The following JAKMIP3 variants were observed in gnomAD, a reference collection of about 807,000 sequenced individuals.
The protein encoded by JAKMIP3 is janus kinase and microtubule-interacting protein 3.
JAKMIP3 carries 58 observed loss-of-function variants against 118.5 expected under a neutral mutation model. That is an observed-to-expected ratio of 0.49 (90% confidence interval 0.40 to 0.61). The LOEUF is 0.61. Among genes scored for constraint, JAKMIP3 ranks in the 20% least tolerant of loss-of-function variants. The probability of loss-of-function intolerance (pLI) is 0.00; values close to 1 mark genes in which losing one functional copy is unlikely to be tolerated. For synonymous variants in JAKMIP3, 486 were observed against 451.2 expected (o/e 1.08, Z -0.98); for missense variants, 950 against 1,109.0 (o/e 0.86, Z 2.04).
In JAKMIP3 at chr10:132,139,107, T is replaced by TGTAA. The variant is rs143455718; in HGVS notation, c.1344+931_1344+932insAAGT. On this transcript the variant is annotated intron_variant, in intron 9 of 23. Transcript: ENST00000684848. Reference sequence around the variant, plus strand: ...GTGTGAGTGCGTGTATGTGTGTACATGTGTGTGTATGCATCTGTGTGTGTG... The same window carrying TGTAA: ...GTGTGAGTGCGTGTATGTGTGTACATGTAAGTGTGTGTATGCATCTGTGTGTGTG... Among the ~76,000 whole-genome samples the TGTAA allele has an allele frequency of 2.0e-5, 3 of 150,318 alleles. No homozygotes were observed. In the East Asian group the frequency reaches 5.9e-4, roughly 29 times the overall value.
chr10:132,123,001 G>C (rs1387562842), intron 3 of JAKMIP3, among the ~76,000 whole-genome samples: 1 of 152,198 alleles, frequency 6.6e-6, no homozygotes, highest in Non-Finnish European at 1.5e-5. Context: ...TACAGCAGAG[G>C]AACCTGGAGC....
At chr10:132,055,306 C>T (rs2038208948) in intron 1 of JAKMIP3, among the ~76,000 whole-genome samples, 1 of 152,066 alleles carries the variant, frequency 6.6e-6, no homozygotes, top group South Asian at 2.1e-4. Flanking sequence ...ATAAATTGTC[C>T]AAGTATCAAT....
intron 3 of JAKMIP3, among the ~76,000 whole-genome samples, chr10:132,131,468 C>T (rs1027975065): frequency 2.7e-5 from 4 of 147,250 alleles, no homozygotes; most frequent in African/African-American, 1.0e-4. Flanking sequence ...GTGAGGGTGT[C>T]GGGCCCGGGG....
Position 132,180,536 on chromosome 10 carries a change from T to TGC in JAKMIP3, c.*1104-1820_*1104-1819insCG, listed in dbSNP as rs1554962705. ...CTGGAAGCAGAACTGTGTGTGTGTG[T>TGC]GTGTGTGTGCGTGCGTGCATGCGTG... On this transcript the variant is annotated intron_variant, in intron 23 of 23. Transcript: ENST00000684848. Among the ~76,000 whole-genome samples, 339 of 34,536 alleles carry TGC rather than the reference T, an allele frequency of 9.8e-3. 66 individuals carry two copies. The highest frequency in any genetic ancestry group is 0.012 in the Non-Finnish European group (232 of 19,478). The allele number at this position is 34,536 out of a possible 152,430, so 22.7% of individuals were successfully genotyped here.
At chr10:132,046,258 T>G (rs1214917616) in intron 1 of JAKMIP3, among the ~76,000 whole-genome samples, 1 of 152,050 alleles carries the variant, frequency 6.6e-6, no homozygotes, top group African/African-American at 2.4e-5. Flanking sequence ...ATCAAGACCA[T>G]CCTGGCTAAC....
chr10:132,058,953 G>A (rs778324270), intron 1 of JAKMIP3, among the ~76,000 whole-genome samples: 1 of 152,218 alleles, frequency 6.6e-6, no homozygotes, highest in Non-Finnish European at 1.5e-5. Context: ...TCGCGCCCAC[G>A]TGAGCCTGGC....
At chr10:132,058,165 C>A (rs544110417) in intron 1 of JAKMIP3, among the ~76,000 whole-genome samples, 1 of 152,212 alleles carries the variant, frequency 6.6e-6, no homozygotes, top group Non-Finnish European at 1.5e-5. Context: ...GAGGTCAACA[C>A]CTTGGGGCCC....
intron 5 of JAKMIP3, 123 bp downstream of exon 5, chr10:132,135,283 G>A (rs1422097783): frequency 2.9e-5 from 28 of 973,958 alleles, no homozygotes; most frequent in South Asian, 6.8e-5. Flanking sequence ...CCGGCCTTGC[G>A]TCGAAGTCTC....
At chr10:132,079,858 G>A (rs760012483) in intron 1 of JAKMIP3, among the ~76,000 whole-genome samples, 1 of 152,214 alleles carries the variant, frequency 6.6e-6, no homozygotes, top group Non-Finnish European at 1.5e-5. Flanking sequence ...TCCTTCTTAA[G>A]GCTGAATCGT....
chr10:132,119,773 G>A (rs2048251754), intron 3 of JAKMIP3, among the ~76,000 whole-genome samples: 2 of 152,136 alleles, frequency 1.3e-5, no homozygotes, highest in Non-Finnish European at 2.9e-5. Context: ...AACTGTTCAA[G>A]GGTAAATTTT....
Position 132,139,300 on chromosome 10 carries a change from GTGTGTGAGTGTGTA to G in JAKMIP3, c.1344+1128_1345-1132del, listed in dbSNP as rs1450503044. Among the ~76,000 whole-genome samples, 3 of 113,486 alleles carry G rather than the reference GTGTGTGAGTGTGTA, an allele frequency of 2.6e-5. 1 individual carries two copies. The highest frequency in any genetic ancestry group is 1.4e-4 in the African/African-American group (3 of 20,894). 74.5% of individuals were successfully genotyped at this position (113,486 alleles called of 152,430 possible). A position where few individuals can be genotyped will look rare whatever the true frequency, so the allele number is the denominator to read the frequency against. ...TGTGAGTGTATATGCATCTGTGTAT[GTGTGTGAGTGTGTA>G]TGTGTATGTGTGTGTGTTTGTATGT... is the stretch of plus-strand genomic sequence containing the variant. On this transcript the variant is annotated intron_variant, in intron 9 of 23. Transcript: ENST00000684848.
At chr10:132,105,306 C>T (rs2045732239) in intron 2 of JAKMIP3, among the ~76,000 whole-genome samples, 1 of 152,194 alleles carries the variant, frequency 6.6e-6, no homozygotes, top group East Asian at 1.9e-4. Flanking sequence ...GTGGAACTGA[C>T]CTGAAACAGA....
intron 1 of JAKMIP3, among the ~76,000 whole-genome samples, chr10:132,072,599 A>G (rs937682551): frequency 3.3e-5 from 5 of 152,120 alleles, no homozygotes; most frequent in Non-Finnish European, 7.4e-5. Flanking sequence ...TGTTTAGCCC[A>G]TTTACATTTA....
intron 23 of JAKMIP3, among the ~76,000 whole-genome samples, chr10:132,180,712 TGTGTGTGC>T (rs2061128041): frequency 1.1e-4 from 3 of 26,556 alleles, no homozygotes; most frequent in African/African-American, 7.9e-4. Context: ...TGTGTGCGCG[TGTGTGTGC>T]GTGTGTGTGC....
chr10:132,158,980 TC>T, intron 19 of JAKMIP3, among the ~76,000 whole-genome samples: 3 of 56,408 alleles, frequency 5.3e-5, no homozygotes, highest in Admixed American at 2.2e-4. Context: ...GGGGGGGATC[TC>T]TCGCTGTGTG....
intron 17 of JAKMIP3, 120 bp from the exon 18 acceptor site, chr10:132,153,639 C>T (rs2056621236): frequency 2.1e-6 from 2 of 952,644 alleles, no homozygotes; most frequent in African/African-American, 1.6e-5. Flanking sequence ...TGTGCTCTCC[C>T]CTCCCTAAGG....
chr10:132,181,729 C>T (rs192674155), intron 23 of JAKMIP3, among the ~76,000 whole-genome samples: 137 of 152,244 alleles, frequency 9.0e-4, no homozygotes, highest in African/African-American at 3.0e-3. Flanking sequence ...AATCAAAAAC[C>T]AAAAAGCTCT....
chr10:132,136,942 A>AC lies in JAKMIP3; in HGVS notation c.1117-70dup, dbSNP rs889400388. ...GTGGCAGCCCGGGTTGAGGGAGAAG[A>AC]CCCCCCCGCCGACCCACTGTGTTCA... On this transcript the variant is annotated intron_variant, in intron 6 of 23. Coordinates refer to ENST00000684848, the MANE Select transcript of JAKMIP3 (RefSeq NM_001323087.2). 3.3e-3 allele frequency: 4,871 copies of AC among 1,497,824 alleles called. 8 individuals carry two copies. The highest frequency in any genetic ancestry group is 3.2e-3 in the Non-Finnish European group (3,601 of 1,111,924). 92.8% of individuals were successfully genotyped at this position (1,497,824 alleles called of 1,614,324 possible).
At chr10:132,137,760 C>T (rs1186571038) in intron 8 of JAKMIP3, among the ~76,000 whole-genome samples, 1 of 152,246 alleles carries the variant, frequency 6.6e-6, no homozygotes, top group Non-Finnish European at 1.5e-5. Context: ...GGACGCCACC[C>T]CTGCAGGGTC....
Sources: gnomAD v4.1 joint callset for allele counts (sites outside exome capture counted in the v4.1 genomes callset) on GRCh38, gnomAD v4.1.1 for gene constraint, MANE v1.5 for transcripts, NCBI Gene and HGNC (gene_info 2026-07-23, HGNC 2026-07-21) for gene names.